The following MYH6 variants were observed in gnomAD, a reference collection of about 807,000 sequenced individuals.
MYH6 encodes the protein myosin-6.
In MYH6, 126 loss-of-function variants were observed where a neutral mutation model predicts 223.2. The observed-to-expected ratio is 0.56, with a 90% CI of 0.49 to 0.65. The LOEUF (loss-of-function observed/expected upper bound fraction) is 0.65. MYH6 is among the 30% of genes least tolerant of loss of function. The pLI, the probability that MYH6 is intolerant of heterozygous loss-of-function variation, is 0.00. For synonymous variants in MYH6, 978 were observed against 1,010.2 expected (o/e 0.97, Z 0.61); for missense variants, 2,040 against 2,536.4 (o/e 0.80, Z 4.20).
intron 29 of MYH6, 34 bp downstream of exon 29, chr14:23,388,825 T>G: frequency 8.3e-5 from 133 of 1,605,484 alleles, no homozygotes; most frequent in Non-Finnish European, 1.1e-4. Context: ...CCTTCCTCTC[T>G]GAGAGTCAGG....
chr14:23,393,628 A>G, intron 22 of MYH6, 38 bp downstream of exon 22: 1 of 1,614,176 alleles, frequency 6.2e-7, no homozygotes, highest in Non-Finnish European at 8.5e-7. Context: ...GGGAGTCTTG[A>G]GGAGACCTGG....
chr14:23,389,127 G>T, intron 28 of MYH6, 72 bp from the exon 29 acceptor site: 2 of 1,494,218 alleles, frequency 1.3e-6, no homozygotes, highest in African/African-American at 2.8e-5. Flanking sequence ...CTCTTCTTAT[G>T]TAGTACTTCA....
chr14:23,391,275 G>A (rs1416805361), intron 25 of MYH6, among the ~76,000 whole-genome samples: 1 of 152,216 alleles, frequency 6.6e-6, no homozygotes, highest in Non-Finnish European at 1.5e-5. Flanking sequence ...GCAGCAGAGA[G>A]GACCACCATG....
At chr14:23,400,218 C>T in intron 14 of MYH6, 38 bp downstream of exon 14, 1 of 1,614,100 alleles carries the variant, frequency 6.2e-7, no homozygotes, top group Non-Finnish European at 8.5e-7. Flanking sequence ...GTCTGGATGG[C>T]AGAGGAGGGG....
intron 16 of MYH6, 29 bp downstream of exon 16, chr14:23,397,514 G>C: frequency 1.2e-6 from 2 of 1,611,680 alleles, no homozygotes; most frequent in South Asian, 1.1e-5. Context: ...ATTCCACCAG[G>C]TGTCCTGGCA....
chr14:23,404,954 A>C, intron 6 of MYH6, 132 bp from the exon 7 acceptor site: 1 of 1,496,734 alleles, frequency 6.7e-7, no homozygotes, highest in South Asian at 1.1e-5. Context: ...GACATGGTTC[A>C]TTGCTCTGGC....
intron 36 of MYH6, 91 bp downstream of exon 36, chr14:23,384,348 CAAG>C: frequency 7.0e-6 from 11 of 1,578,264 alleles, no homozygotes; most frequent in Non-Finnish European, 6.9e-6. Context: ...AACAGCATCT[CAAG>C]GAGGAGGTGA....
chr14:23,386,488 C>A lies in MYH6; in HGVS notation c.4786G>T (p.Val1596Leu), dbSNP rs958703816. The A allele has an allele frequency of 5.0e-6, 8 of 1,614,198 alleles. No individual in the cohort carries two copies. Among genetic ancestry groups the A allele is most frequent in the Non-Finnish European group, 6.8e-6 (8 of 1,180,052 alleles). The change falls in exon 33 of 39, where the codon GTG (valine) becomes TTG (leucine). Residue 1596 changes from valine to leucine, a missense_variant. Around this residue, in one of 4 missense-constraint regions of MYH6, gnomAD observed 1,203 missense variants for 1,400.2 expected, o/e 0.86. Transcript: ENST00000405093. ...TCCAGGGAGGTCTGCAGCGAGTCCA[C>A]CACCCGCTGGTGGTTGCGCTTGGCC... is the stretch of plus-strand genomic sequence containing the variant. ...EQAKRNHQRVVDSLQTSLDAE... is the reference protein window; with the variant it reads ...EQAKRNHQRVLDSLQTSLDAE...
In MYH6 at chr14:23,397,155, C is replaced by G; in HGVS notation, c.2050+15G>C. The G allele has an allele frequency of 6.2e-7, 1 of 1,614,182 alleles. No homozygotes were observed. Among genetic ancestry groups the G allele is most frequent in the Non-Finnish European group, 8.5e-7 (1 of 1,180,028 alleles). On this transcript the variant is annotated intron_variant, in intron 17 of 38. Coordinates refer to ENST00000405093, the MANE Select transcript of MYH6 (RefSeq NM_002471.4). Reference sequence around the variant, plus strand: ...CCAGCTGTCCTCCCCAGACTAAGGTCTTCTCCTGGCTCACCTGGAGCCTTC... The same window carrying G: ...CCAGCTGTCCTCCCCAGACTAAGGTGTTCTCCTGGCTCACCTGGAGCCTTC...
chr14:23,397,957 TC>T (rs2138607085), intron 15 of MYH6, among the ~76,000 whole-genome samples: 1 of 111,640 alleles, frequency 9.0e-6, no homozygotes, highest in African/African-American at 3.8e-5. Flanking sequence ...TTCTTCTTCT[TC>T]TTCTTCTTCT....
intron 26 of MYH6, 72 bp from the exon 27 acceptor site, chr14:23,389,791 G>C (rs1171765141): frequency 7.4e-6 from 12 of 1,611,976 alleles, no homozygotes; most frequent in Non-Finnish European, 1.0e-5. Context: ...GAGAGGGTCA[G>C]AGATGGGGAA....
chr14:23,387,854 G>C lies in MYH6; in HGVS notation c.4429C>G (p.Arg1477Gly), dbSNP rs201989347. ...TTGAAGAGCTCTGTGCTGAGGGAGC[G>C]AGCCTCCTTCTGTGAGGACTCCAGC... is the stretch of plus-strand genomic sequence containing the variant. The part of the protein sequence containing the change: ...SELESSQKEA[R>G]SLSTELFKLK... The change falls in exon 31 of 39, where the codon CGC (arginine) becomes GGC (glycine). Residue 1477 changes from arginine (R) to glycine (G), a missense_variant. By Grantham distance (125) the Arg-to-Gly change is moderately radical. This residue lies in a region of MYH6 where 1,203 missense variants were observed against 1,400.2 expected (regional missense o/e 0.86). Coordinates refer to ENST00000405093, the MANE Select transcript of MYH6 (RefSeq NM_002471.4). The C allele has an allele frequency of 5.6e-6, 9 of 1,613,966 alleles. No individual in the cohort carries two copies. The African/African-American group carries it at 1.2e-4, about 22-fold the overall frequency.
In MYH6 at chr14:23,382,571, G is replaced by C; in HGVS notation, c.5662-9C>G. 1 of 1,614,168 alleles carries C rather than the reference G, an allele frequency of 6.2e-7. No individual in the cohort carries two copies. Among genetic ancestry groups the C allele is most frequent in the Non-Finnish European group, 8.5e-7 (1 of 1,180,026 alleles). On this transcript the variant is annotated splice_polypyrimidine_tract_variant and intron_variant, in intron 37 of 38. Transcript: ENST00000405093. Reference sequence around the variant, plus strand: ...GTGTTGGCTTGCTCCTCCTGTGGTGGGACAGTGGGGATGGGTGAATGAGCT... The same window carrying C: ...GTGTTGGCTTGCTCCTCCTGTGGTGCGACAGTGGGGATGGGTGAATGAGCT...
intron 29 of MYH6, 144 bp downstream of exon 29, chr14:23,388,715 G>C: frequency 7.7e-7 from 1 of 1,292,984 alleles, no homozygotes; most frequent in South Asian, 1.2e-5. Context: ...AAGAGTTCAG[G>C]CTTTCTTCCA....
At chr14:23,396,103 TAA>T (rs71425088) in intron 20 of MYH6, among the ~76,000 whole-genome samples, 179 bp downstream of exon 20, 8 of 142,986 alleles carry the variant, frequency 5.6e-5, no homozygotes, top group African/African-American at 1.8e-4. Flanking sequence ...GAAGTTTCTT[TAA>T]AAAAAAAAAA....
At position 23,393,440 on chromosome 14, in the gene MYH6, C is replaced by T; in HGVS notation, c.3007G>A (p.Glu1003Lys). 5 of 1,614,168 alleles carry T rather than the reference C, an allele frequency of 3.1e-6. No homozygotes were observed. Among genetic ancestry groups the T allele is most frequent in the Non-Finnish European group, 4.2e-6 (5 of 1,180,038 alleles). Reference protein sequence around the residue: ...KLTKEKKALQEAHQQALDDLQ... With the variant: ...KLTKEKKALQKAHQQALDDLQ... ...TCATCCAGGGCCTGCTGATGGGCCT[C>T]TTGTAGAGCTTTCTTCTCCTTGGTC... The change falls in exon 23 of 39, where the codon GAG (glutamate) becomes AAG (lysine). Residue 1003 changes from glutamate to lysine, a missense_variant. Around this residue, in one of 4 missense-constraint regions of MYH6, gnomAD observed 1,203 missense variants for 1,400.2 expected, o/e 0.86. Coordinates refer to ENST00000405093, the MANE Select transcript of MYH6 (RefSeq NM_002471.4).
At chr14:23,404,909 G>A in intron 6 of MYH6, 87 bp from the exon 7 acceptor site, 5 of 1,485,088 alleles carry the variant, frequency 3.4e-6, no homozygotes, top group South Asian at 1.1e-5. Context: ...TTCCCAGCCT[G>A]GCCATCAGAG....
At chr14:23,388,462 G>A (rs1304554871) in intron 29 of MYH6, 124 bp from the exon 30 acceptor site, 3 of 1,438,080 alleles carry the variant, frequency 2.1e-6, no homozygotes, top group Non-Finnish European at 2.9e-6. Context: ...CCTAGCAGGA[G>A]CTGAGCCTGC....
At chr14:23,384,418 C>A in intron 36 of MYH6, 24 bp downstream of exon 36, 1 of 1,607,284 alleles carries the variant, frequency 6.2e-7, no homozygotes, top group South Asian at 1.1e-5. Context: ...CACATCTACT[C>A]CTGGTGTCTG....
Sources: allele counts gnomAD v4.1 joint callset (sites outside exome capture counted in the v4.1 genomes callset), GRCh38; gene constraint gnomAD v4.1.1; regional missense constraint gnomAD v4.1.1; transcripts MANE v1.5; gene names NCBI Gene and HGNC (gene_info 2026-07-23, HGNC 2026-07-21).